GALNTL6: variants seen among roughly 807,000 people sequenced by gnomAD.
GALNTL6 encodes polypeptide N-acetylgalactosaminyltransferase-like 6.
In GALNTL6, 46 loss-of-function variants were observed where a neutral mutation model predicts 73.7. The ratio of observed to expected loss-of-function variants is 0.62; its 90% CI spans 0.49 to 0.80. The LOEUF (loss-of-function observed/expected upper bound fraction) is 0.80, where lower values mean the gene tolerates loss of function less well. Ranked by LOEUF, GALNTL6 falls within the 30% of genes least tolerant of loss-of-function variation. GALNTL6 has a pLI of 0.00. For synonymous variants in GALNTL6, 259 were observed against 263.7 expected (o/e 0.98, Z 0.17); for missense variants, 604 against 755.0 (o/e 0.80, Z 2.34).
chr4:171,995,510 T>G (rs1740459918), intron 2 of GALNTL6, among the ~76,000 whole-genome samples: 1 of 152,024 alleles, frequency 6.6e-6, no homozygotes, highest in African/African-American at 2.4e-5. Context: ...AATACATTTT[T>G]TAATGTATTC....
At chr4:171,816,372 CTG>C (rs1734524583) in intron 2 of GALNTL6, 1 of 151,278 alleles carries the variant, frequency 6.6e-6, no homozygotes, top group African/African-American at 2.4e-5. Context: ...AAAAAAAAAA[CTG>C]TGACAGTTTA....
At chr4:172,567,982 A>T (rs1291041275) in intron 5 of GALNTL6, among the ~76,000 whole-genome samples, 1 of 152,218 alleles carries the variant, frequency 6.6e-6, no homozygotes, top group East Asian at 1.9e-4. Context: ...ACATTTCCTT[A>T]GTTGATATAG....
At chr4:172,921,428 G>A (rs1747783548) in intron 8 of GALNTL6, among the ~76,000 whole-genome samples, 1 of 152,110 alleles carries the variant, frequency 6.6e-6, no homozygotes, top group South Asian at 2.1e-4. Flanking sequence ...GGTTGTGGCT[G>A]ATATAGAAAA....
chr4:172,845,131 T>A (rs930793145), intron 7 of GALNTL6, among the ~76,000 whole-genome samples: 6 of 146,850 alleles, frequency 4.1e-5, no homozygotes, highest in Non-Finnish European at 5.9e-5. Flanking sequence ...GGCAGGAGAA[T>A]CGCTTGAACC....
intron 2 of GALNTL6, among the ~76,000 whole-genome samples, chr4:171,895,278 G>A (rs1736874918): frequency 6.6e-6 from 1 of 152,190 alleles, no homozygotes; most frequent in Admixed American, 6.5e-5. Flanking sequence ...TGGGAGTAGG[G>A]ACTGTTAGCA....
chr4:172,008,311 C>T (rs999984970), intron 2 of GALNTL6, among the ~76,000 whole-genome samples: 1 of 152,064 alleles, frequency 6.6e-6, no homozygotes, highest in African/African-American at 2.4e-5. Flanking sequence ...TATGTTTTTG[C>T]ATGAGTGTGC....
chr4:171,843,355 T>C (rs1201436306), intron 2 of GALNTL6, among the ~76,000 whole-genome samples: 2 of 152,036 alleles, frequency 1.3e-5, no homozygotes, highest in Non-Finnish European at 2.9e-5. Flanking sequence ...AGGAGGGACA[T>C]ACCTTCTTGC....
chr4:172,501,632 C>T (rs913759871), intron 5 of GALNTL6, among the ~76,000 whole-genome samples: 4 of 151,940 alleles, frequency 2.6e-5, no homozygotes, highest in South Asian at 2.1e-4. Flanking sequence ...ATCAATTGTC[C>T]GTGAATTTCT....
intron 2 of GALNTL6, among the ~76,000 whole-genome samples, chr4:172,065,069 T>C (rs1474262082): frequency 6.6e-6 from 1 of 152,116 alleles, no homozygotes; most frequent in Non-Finnish European, 1.5e-5. Context: ...TAAAATATCT[T>C]AGAGTTGGTG....
intron 2 of GALNTL6, among the ~76,000 whole-genome samples, chr4:172,225,990 A>T (rs927023542): frequency 6.6e-6 from 1 of 152,150 alleles, no homozygotes; most frequent in Non-Finnish European, 1.5e-5. Context: ...ACACCTTGCT[A>T]GAGCACTAAT....
At chr4:172,892,724 G>T (rs1298405657) in intron 8 of GALNTL6, among the ~76,000 whole-genome samples, 1 of 151,810 alleles carries the variant, frequency 6.6e-6, no homozygotes, top group Non-Finnish European at 1.5e-5. Context: ...GGAGATGGGG[G>T]GCAAGAGATG....
chr4:172,272,473 T>G (rs1738690062), intron 3 of GALNTL6, among the ~76,000 whole-genome samples: 3 of 152,186 alleles, frequency 2.0e-5, no homozygotes, highest in Admixed American at 2.0e-4. Flanking sequence ...AGAAAGTTAC[T>G]GTACTGAATA....
At chr4:171,964,741 G>A (rs555284612) in intron 2 of GALNTL6, among the ~76,000 whole-genome samples, 1 of 152,204 alleles carries the variant, frequency 6.6e-6, no homozygotes, top group Non-Finnish European at 1.5e-5. Flanking sequence ...CCCTTTCAGG[G>A]CTGAAGGACT....
intron 5 of GALNTL6, among the ~76,000 whole-genome samples, chr4:172,728,505 G>GT (rs1211839946): frequency 6.7e-4 from 100 of 150,092 alleles, no homozygotes; most frequent in African/African-American, 2.3e-3. Context: ...CATATACAAT[G>GT]AAATATATAT....
At chr4:172,274,632 T>C (rs936133240) in intron 3 of GALNTL6, among the ~76,000 whole-genome samples, 1 of 152,120 alleles carries the variant, frequency 6.6e-6, no homozygotes, top group African/African-American at 2.4e-5. Context: ...CAAATATAAA[T>C]ATGTGGCCGA....
At chr4:173,018,952 G>A (rs1000811769) in intron 11 of GALNTL6, among the ~76,000 whole-genome samples, 3 of 152,198 alleles carry the variant, frequency 2.0e-5, no homozygotes, top group African/African-American at 7.2e-5. Context: ...GACTTCCTTG[G>A]AGGCTGAGGA....
chr4:172,002,354 TAGTG>T (rs1212692597), intron 2 of GALNTL6, among the ~76,000 whole-genome samples: 1 of 151,966 alleles, frequency 6.6e-6, no homozygotes, highest in African/African-American at 2.4e-5. Flanking sequence ...AAATGAGAAA[TAGTG>T]AGCACAGAGT....
At chr4:172,037,741 G>C (rs1741970650) in intron 2 of GALNTL6, among the ~76,000 whole-genome samples, 1 of 152,040 alleles carries the variant, frequency 6.6e-6, no homozygotes, top group Admixed American at 6.6e-5. Flanking sequence ...GAGCAATATT[G>C]CTATATCCAC....
rs548462865 is a variant in GALNTL6 at position 171,903,513 on chromosome 4, A to G, written c.138+88795A>G. Among the ~76,000 whole-genome samples, 280 of 151,648 alleles carry G rather than the reference A, an allele frequency of 1.8e-3. 1 individual carries two copies. Among genetic ancestry groups the G allele is most frequent in the African/African-American group, 6.3e-3 (259 of 41,124 alleles). Reference sequence around the variant, plus strand: ...GTCCCACGCCCACGGAGTCTCGCTGATTGCTAGCACAGCAGTCTGAGATCA... The same window carrying G: ...GTCCCACGCCCACGGAGTCTCGCTGGTTGCTAGCACAGCAGTCTGAGATCA... On this transcript the variant is annotated intron_variant, in intron 2 of 12. Coordinates refer to ENST00000506823, the MANE Select transcript of GALNTL6 (RefSeq NM_001034845.3).
Sources: allele counts gnomAD v4.1 joint callset (sites outside exome capture counted in the v4.1 genomes callset), GRCh38; gene constraint gnomAD v4.1.1; transcripts MANE v1.5; gene names NCBI Gene and HGNC (gene_info 2026-07-23, HGNC 2026-07-21).